CEP85: variants seen among roughly 807,000 people sequenced by gnomAD.
CEP85 encodes centrosomal protein of 85 kDa.
CEP85 carries 58 observed loss-of-function variants against 93.7 expected under a neutral mutation model. That is an observed-to-expected ratio of 0.62 (90% CI 0.50 to 0.77). CEP85 has a LOEUF of 0.77. CEP85 is among the 30% of genes least tolerant of loss of function. The pLI is 0.00. For synonymous variants in CEP85, 314 were observed against 338.6 expected, an observed-to-expected ratio of 0.93 and a Z score of 0.80; for missense variants, 868 against 922.0, an observed-to-expected ratio of 0.94 and a Z score of 0.76.
At position 26,259,685 on chromosome 1, in the gene CEP85, A is replaced by G; in HGVS notation, c.1224A>G (p.Glu408=). ...AGAAGACAGAAGCCTTGAGCAGAGA[A>G]AAGATTGACCTTGAAAAGAAACTCT... is the stretch of plus-strand genomic sequence containing the variant. ...FAQKTEALSR[E]KIDLEKKLSA... The change falls in exon 7 of 14, where the codon GAA becomes GAG. Residue 408 remains glutamate (E), a synonymous_variant. Transcript: ENST00000451429. 1 of 1,614,128 alleles carries G rather than the reference A, an allele frequency of 6.2e-7. No homozygotes were observed. The highest frequency in any genetic ancestry group is 1.3e-5 in the African/African-American group (1 of 75,050).
intron 1 of CEP85, among the ~76,000 whole-genome samples, chr1:26,235,610 T>C (rs1348425462): frequency 1.3e-5 from 2 of 148,864 alleles, no homozygotes; most frequent in African/African-American, 5.0e-5. Context: ...TTTGCTCTTG[T>C]TGCCCAGGCT....
intron 7 of CEP85, among the ~76,000 whole-genome samples, chr1:26,266,069 C>A (rs2089889492): frequency 6.6e-6 from 1 of 151,964 alleles, no homozygotes; most frequent in African/African-American, 2.4e-5. Flanking sequence ...ATTAGCTGGG[C>A]GTGGTGGTGG....
At chr1:26,249,056 A>G (rs1426084771) in intron 3 of CEP85, among the ~76,000 whole-genome samples, 1 of 151,158 alleles carries the variant, frequency 6.6e-6, no homozygotes, top group Non-Finnish European at 1.5e-5. Context: ...TATGTTTGTT[A>G]CATACCATGA....
rs1022426114 is a variant in CEP85, at chr1:26,254,956, T to G, written c.209-215T>G. ...AAGGACTAAGTTAAAAGTGAAGTCA[T>G]TATTGCCTTTTGTTAGTTTACCTTG... is the stretch of plus-strand genomic sequence containing the variant. On this transcript the variant is annotated intron_variant, in intron 3 of 13. Coordinates refer to ENST00000451429, the MANE Select transcript of CEP85 (RefSeq NM_001319944.2). The G allele has an allele frequency of 1.8e-5, 11 of 600,278 alleles. No individual in the cohort carries two copies. In the African/African-American group the frequency reaches 2.0e-4, roughly 11 times the overall value. The allele number at this position is 600,278 out of a possible 1,614,324, so 37.2% of individuals were successfully genotyped here. A position where few individuals can be genotyped will look rare whatever the true frequency, so the allele number is the denominator to read the frequency against.
chr1:26,273,328 G>C (rs1002424007), intron 11 of CEP85, among the ~76,000 whole-genome samples: 1 of 152,134 alleles, frequency 6.6e-6, no homozygotes, highest in African/African-American at 2.4e-5. Flanking sequence ...AAATGCACTC[G>C]TTTTGAGGGA....
chr1:26,251,785 T>C (rs1446667078), intron 3 of CEP85, among the ~76,000 whole-genome samples: 1 of 152,110 alleles, frequency 6.6e-6, no homozygotes, highest in Non-Finnish European at 1.5e-5. Flanking sequence ...AGAGTGGTGC[T>C]ATGGATGGAG....
chr1:26,241,507 G>T (rs542338318), intron 2 of CEP85, among the ~76,000 whole-genome samples: 167 of 152,246 alleles, frequency 1.1e-3, no homozygotes, highest in Non-Finnish European at 1.9e-3. Flanking sequence ...GCCTCGCAAA[G>T]TGCTGGGATT....
Position 26,275,004 on chromosome 1 carries a change from AGGCCCTG to A in CEP85, c.1836_1842del (p.Ala613GlufsTer18). 1.3e-6 allele frequency: 2 copies of A among 1,585,752 alleles called. No homozygotes were observed. The highest frequency in any genetic ancestry group is 1.7e-6 in the Non-Finnish European group (2 of 1,165,948). ...GTGGCTCAAGAAGAAGGAACAAGCCAGGCCCTGAGAGAGGAGGCCCAGCGAAGGGATT... is the reference window on the plus strand; with the variant it reads ...GTGGCTCAAGAAGAAGGAACAAGCCAAGAGAGGAGGCCCAGCGAAGGGATT... On this transcript the variant is annotated frameshift_variant, in exon 12 of 14. Transcript: ENST00000451429. LOFTEE classifies it high-confidence loss of function.
intron 11 of CEP85, among the ~76,000 whole-genome samples, chr1:26,273,086 CGAG>C (rs1231651575): frequency 6.6e-6 from 1 of 151,934 alleles, no homozygotes; most frequent in African/African-American, 2.4e-5. Flanking sequence ...AGCATAGCAG[CGAG>C]GAGATGTGAG....
At chr1:26,244,014 AAAAC>A (rs2089469930) in intron 2 of CEP85, 148 bp from the exon 3 acceptor site, 4 of 460,462 alleles carry the variant, frequency 8.7e-6, no homozygotes, top group African/African-American at 4.3e-5. Flanking sequence ...AAAAAAAAAA[AAAAC>A]TAGATCGGAG....
At chr1:26,273,379 T>C (rs1043152357) in intron 11 of CEP85, among the ~76,000 whole-genome samples, 3 of 152,164 alleles carry the variant, frequency 2.0e-5, no homozygotes, top group African/African-American at 7.2e-5. Context: ...ATTATGTGGA[T>C]TGGGCTACGT....
chr1:26,265,235 C>T (rs1570027631), intron 7 of CEP85, among the ~76,000 whole-genome samples: 1 of 152,044 alleles, frequency 6.6e-6, no homozygotes, highest in Non-Finnish European at 1.5e-5. Context: ...CTGCCCGCCT[C>T]GACTTCCCAA....
chr1:26,253,536 C>T (rs549699809), intron 3 of CEP85, among the ~76,000 whole-genome samples: 45 of 151,734 alleles, frequency 3.0e-4, no homozygotes, highest in Admixed American at 2.7e-3. Context: ...ACTACAGGCG[C>T]GTGCCACCAT....
At position 26,272,715 on chromosome 1, in the gene CEP85, GC is replaced by G. The variant is rs1213701150; in HGVS notation, c.1794+646del. Among the ~76,000 whole-genome samples the G allele has an allele frequency of 1.0e-4, 14 of 136,972 alleles. No individual in the cohort carries two copies. In the Admixed American group the frequency reaches 1.2e-3, roughly 12 times the overall value. The allele number at this position is 136,972 out of a possible 152,430, so 89.9% of individuals were successfully genotyped here. ...GCAATCTCGGCTCACTGTAACCTCTGCCTCCCAGGTTCAAGCAATTCTCCTG... is the reference window on the plus strand; with the variant it reads ...GCAATCTCGGCTCACTGTAACCTCTGCTCCCAGGTTCAAGCAATTCTCCTG... On this transcript the variant is annotated intron_variant, in intron 11 of 13. Coordinates refer to ENST00000451429, the MANE Select transcript of CEP85 (RefSeq NM_001319944.2).
chr1:26,274,671 C>T (rs973552496), intron 11 of CEP85, among the ~76,000 whole-genome samples: 7 of 152,056 alleles, frequency 4.6e-5, no homozygotes, highest in African/African-American at 7.2e-5. Context: ...TTCATCGTGA[C>T]GGTGTAGAGG....
At chr1:26,258,017 C>T (rs552337721) in intron 5 of CEP85, 126 bp from the exon 6 acceptor site, 3 of 752,062 alleles carry the variant, frequency 4.0e-6, no homozygotes, top group East Asian at 2.5e-5. Context: ...TGTTCTTCTT[C>T]CTTCAGAAAA....
intron 3 of CEP85, among the ~76,000 whole-genome samples, chr1:26,250,539 A>C (rs1462288896): frequency 2.6e-5 from 4 of 152,248 alleles, no homozygotes; most frequent in Non-Finnish European, 4.4e-5. Context: ...GTTAGTCTGA[A>C]TCAGGCAGTT....
intron 7 of CEP85, among the ~76,000 whole-genome samples, chr1:26,261,895 G>T (rs1306332754): frequency 1.3e-5 from 2 of 152,104 alleles, no homozygotes; most frequent in Admixed American, 6.6e-5. Flanking sequence ...TACTGGCCAG[G>T]CATGGTGGCT....
At chr1:26,248,722 C>CTTTTTTTTTTTTTTTTTTTTTTTTTTTT (rs573449499) in intron 3 of CEP85, among the ~76,000 whole-genome samples, 3 of 56,212 alleles carry the variant, frequency 5.3e-5, no homozygotes, top group African/African-American at 1.6e-4. Flanking sequence ...GTCTTGAACT[C>CTTTTTTTTTTTTTTTTTTTTTTTTTTTT]TTTTTTTTTT....
Sources: allele counts gnomAD v4.1 joint callset (sites outside exome capture counted in the v4.1 genomes callset), GRCh38; gene constraint gnomAD v4.1.1; transcripts MANE v1.5; gene names NCBI Gene and HGNC (gene_info 2026-07-23, HGNC 2026-07-21).